IL1RAPL1: variants seen among roughly 807,000 people sequenced by gnomAD.
IL1RAPL1 encodes interleukin-1 receptor accessory protein-like 1.
Under a neutral mutation model 48.4 loss-of-function variants are expected in IL1RAPL1, and 3 were observed. The ratio of observed to expected loss-of-function variants is 0.06; its 90% confidence interval spans 0.03 to 0.16. The LOEUF is 0.16. Among genes scored for constraint, IL1RAPL1 ranks in the 10% least tolerant of loss-of-function variants. The pLI is 1.00. For synonymous variants in IL1RAPL1, 185 were observed against 187.7 expected (o/e 0.99, Z 0.12); for missense variants, 349 against 530.6 (o/e 0.66, Z 3.36).
intron 3 of IL1RAPL1, among the ~76,000 whole-genome samples, chrX:29,358,708 C>T (rs1176930869): frequency 9.0e-6 from 1 of 110,685 alleles, no homozygotes; most frequent in Non-Finnish European, 1.9e-5. Context: ...TTAAGATTTA[C>T]TTTTTAAGCA....
chrX:29,420,130 G>A (rs1934273216), intron 5 of IL1RAPL1, among the ~76,000 whole-genome samples: 1 of 111,783 alleles, frequency 8.9e-6, no homozygotes. Flanking sequence ...ACATAATGGG[G>A]GGAATTTGGT....
chrX:29,655,022 C>T (rs1301295036), intron 5 of IL1RAPL1, among the ~76,000 whole-genome samples: 1 of 111,500 alleles, frequency 9.0e-6, no homozygotes, highest in Non-Finnish European at 1.9e-5. Context: ...AGAATGCTTA[C>T]CTTTTTTCAG....
Position 29,092,239 on chromosome X carries a change from G to C in IL1RAPL1, c.83-190699G>C, listed in dbSNP as rs780516339. 4.0e-4 allele frequency among the ~76,000 whole-genome samples: 44 copies of C among 111,383 alleles called. 1 individual carries two copies. The South Asian group carries it at 0.016, about 40-fold the overall frequency. ...ATAAGTGTTTACTTGAGGATAGTAA[G>C]GAGTAGCCAAGTCTTTCTTATTTAA... On this transcript the variant is annotated intron_variant, in intron 2 of 10. Transcript: ENST00000378993.
At chrX:28,828,600 C>G (rs999625773) in intron 2 of IL1RAPL1, among the ~76,000 whole-genome samples, 18 of 111,717 alleles carry the variant, frequency 1.6e-4, no homozygotes, top group Admixed American at 1.5e-3. Flanking sequence ...TGGGAACATT[C>G]CAAATCTTCT....
intron 6 of IL1RAPL1, among the ~76,000 whole-genome samples, chrX:29,749,825 AT>A (rs1928418460): frequency 8.9e-6 from 1 of 112,381 alleles, no homozygotes; most frequent in Admixed American, 9.4e-5. Flanking sequence ...CTTGGAAGCT[AT>A]TCGGGAATAG....
chrX:29,588,285 G>T (rs2147808232), intron 5 of IL1RAPL1, among the ~76,000 whole-genome samples: 1 of 112,333 alleles, frequency 8.9e-6, no homozygotes. Context: ...TAAGGCTGTT[G>T]CCCTATGAAT....
chrX:29,212,877 G>A (rs936716734), intron 2 of IL1RAPL1, among the ~76,000 whole-genome samples: 2 of 112,255 alleles, frequency 1.8e-5, no homozygotes, highest in African/African-American at 6.5e-5. Flanking sequence ...GAAGGAACAG[G>A]AGGAGTTGGC....
At chrX:29,139,805 C>G (rs1318032096) in intron 2 of IL1RAPL1, among the ~76,000 whole-genome samples, 1 of 109,142 alleles carries the variant, frequency 9.2e-6, no homozygotes, top group African/African-American at 3.3e-5. Context: ...TTTACCCTAC[C>G]AACAAAATCC....
intron 2 of IL1RAPL1, among the ~76,000 whole-genome samples, chrX:28,934,319 A>G (rs191724394): frequency 7.2e-5 from 8 of 111,734 alleles, no homozygotes; most frequent in Admixed American, 5.7e-4. Context: ...CTTGGTTGTT[A>G]GTGGAGACGT....
chrX:28,870,499 GA>G (rs1922181498), intron 2 of IL1RAPL1, among the ~76,000 whole-genome samples: 1 of 111,525 alleles, frequency 9.0e-6, no homozygotes, highest in Admixed American at 9.5e-5. Context: ...ATCATTTATA[GA>G]ATAGAAATAT....
At chrX:29,306,667 C>A in intron 3 of IL1RAPL1, among the ~76,000 whole-genome samples, 1 of 106,445 alleles carries the variant, frequency 9.4e-6, no homozygotes. Flanking sequence ...TCACGACCAG[C>A]CTGGCCAATA....
intron 5 of IL1RAPL1, among the ~76,000 whole-genome samples, chrX:29,624,870 G>A (rs1329244304): frequency 2.7e-5 from 3 of 110,738 alleles, no homozygotes; most frequent in African/African-American, 9.9e-5. Context: ...TATAATTGAG[G>A]TGAATTAATT....
At chrX:29,444,214 C>T (rs1432605593) in intron 5 of IL1RAPL1, among the ~76,000 whole-genome samples, 6 of 109,592 alleles carry the variant, frequency 5.5e-5, no homozygotes, top group African/African-American at 2.0e-4. Context: ...TGGTGGTGCA[C>T]ACCTGTAGTC....
chrX:28,667,910 A>C (rs1448924438), intron 1 of IL1RAPL1, among the ~76,000 whole-genome samples: 1 of 111,333 alleles, frequency 9.0e-6, no homozygotes, highest in Non-Finnish European at 1.9e-5. Context: ...ATTACCTCCC[A>C]AAGGCCCCAC....
chrX:29,596,671 C>T (rs1037414011), intron 5 of IL1RAPL1, among the ~76,000 whole-genome samples: 9 of 111,904 alleles, frequency 8.0e-5, no homozygotes, highest in Non-Finnish European at 1.1e-4. Flanking sequence ...ATCCTATCAT[C>T]AGCAAGCAGT....
chrX:29,049,219 G>A (rs1407873795), intron 2 of IL1RAPL1, among the ~76,000 whole-genome samples: 2 of 112,261 alleles, frequency 1.8e-5, no homozygotes, highest in African/African-American at 6.5e-5. Context: ...CTGATGGCAA[G>A]CTAACTCAAA....
At chrX:28,731,418 T>C (rs1251076623) in intron 1 of IL1RAPL1, among the ~76,000 whole-genome samples, 1 of 111,850 alleles carries the variant, frequency 8.9e-6, no homozygotes, top group Non-Finnish European at 1.9e-5. Context: ...CCATGATAAC[T>C]TCTCCCCACT....
chrX:29,587,044 C>G (rs992370178), intron 5 of IL1RAPL1, among the ~76,000 whole-genome samples: 2 of 110,610 alleles, frequency 1.8e-5, no homozygotes, highest in Non-Finnish European at 3.8e-5. Flanking sequence ...CTGGCCAGGA[C>G]TTTAAAACCA....
At chrX:29,212,247 G>A (rs1391483922) in intron 2 of IL1RAPL1, among the ~76,000 whole-genome samples, 1 of 110,961 alleles carries the variant, frequency 9.0e-6, no homozygotes, top group Non-Finnish European at 1.9e-5. Flanking sequence ...TAACATGGAG[G>A]TTCAGGGGTC....
Sources: gnomAD v4.1 joint callset for allele counts (sites outside exome capture counted in the v4.1 genomes callset) on GRCh38, gnomAD v4.1.1 for gene constraint, MANE v1.5 for transcripts, NCBI Gene and HGNC (gene_info 2026-07-23, HGNC 2026-07-21) for gene names.